DCT: variants seen among roughly 807,000 people sequenced by gnomAD.
DCT encodes the protein L-dopachrome tautomerase.
DCT carries 47 observed loss-of-function variants against 53.0 expected under a neutral mutation model. The ratio of observed to expected loss-of-function variants is 0.89; its 90% CI spans 0.70 to 1.13. DCT has a LOEUF of 1.13. Among genes scored for constraint, DCT ranks in the 50% most tolerant of loss-of-function variants. The pLI is 0.00. For missense variants in DCT, 669 were observed against 637.4 expected, an observed-to-expected ratio of 1.05 and a Z score of -0.53; for synonymous variants, 244 against 237.0, an observed-to-expected ratio of 1.03 and a Z score of -0.27.
chr13:94,492,739 A>G, the DCT span, among the ~76,000 whole-genome samples: 2 of 152,254 alleles, frequency 1.3e-5, no homozygotes, highest in African/African-American at 4.8e-5. Flanking sequence ...AGATGTACAG[A>G]AAAGAAAATG....
In DCT at chr13:94,465,630, T is replaced by G; in HGVS notation, c.863+3A>C. ...ATGCCATTGCAGGTACAGGAGCCAT[T>G]ACCTATCACAGACAGTTTCCCAGCT... On this transcript the variant is annotated splice_donor_region_variant and intron_variant, in intron 4 of 7. Transcript: ENST00000377028. 1 of 1,612,762 alleles carries G rather than the reference T, an allele frequency of 6.2e-7. No homozygotes were observed. The highest frequency in any genetic ancestry group is 8.5e-7 in the Non-Finnish European group (1 of 1,179,348).
At chr13:94,504,907 C>T in the DCT span, among the ~76,000 whole-genome samples, 448 of 152,048 alleles carry the variant, frequency 2.9e-3, 1 homozygote, top group African/African-American at 9.6e-3. Flanking sequence ...TAACTCCCTC[C>T]TACCTCTTCT....
At chr13:94,531,484 C>T in the DCT span, among the ~76,000 whole-genome samples, 1 of 152,104 alleles carries the variant, frequency 6.6e-6, no homozygotes, top group Non-Finnish European at 1.5e-5. Context: ...AGAAATAACA[C>T]CACACATCTA....
chr13:94,467,664 G>A (rs1362009541), intron 2 of DCT: 7 of 152,132 alleles, frequency 4.6e-5, no homozygotes, highest in Admixed American at 6.5e-5. Context: ...TTGGCTACAC[G>A]GCCCTTTTTC....
the DCT span, among the ~76,000 whole-genome samples, chr13:94,548,462 C>T: frequency 2.0e-5 from 3 of 152,056 alleles, 1 homozygote; most frequent in Admixed American, 2.0e-4. Flanking sequence ...CAGCAACCCG[C>T]CACCTCACTA....
the DCT span, among the ~76,000 whole-genome samples, chr13:94,543,531 T>C: frequency 6.6e-6 from 1 of 152,196 alleles, no homozygotes; most frequent in Non-Finnish European, 1.5e-5. Context: ...CTTTCTCTAA[T>C]AGAAATCTCT....
At chr13:94,444,020 G>T (rs1209566382) in intron 6 of DCT, among the ~76,000 whole-genome samples, 1 of 152,140 alleles carries the variant, frequency 6.6e-6, no homozygotes, top group South Asian at 2.1e-4. Context: ...TCAGAAAAAG[G>T]CAAGTATGAT....
At chr13:94,451,722 C>T (rs1883106803) in intron 6 of DCT, among the ~76,000 whole-genome samples, 1 of 152,162 alleles carries the variant, frequency 6.6e-6, no homozygotes, top group Non-Finnish European at 1.5e-5. Context: ...GTGTCAGGTA[C>T]TGTTCTAGAG....
the DCT span, among the ~76,000 whole-genome samples, chr13:94,549,059 G>A: frequency 2.6e-5 from 4 of 152,190 alleles, no homozygotes; most frequent in African/African-American, 4.8e-5. Flanking sequence ...CTGTAAAGCT[G>A]CCATCCTTCA....
chr13:94,468,524 G>T (rs146795225), intron 2 of DCT: 1 of 494,766 alleles, frequency 2.0e-6, no homozygotes. Flanking sequence ...AAGAACATAC[G>T]GTAGAGGAGA....
the DCT span, among the ~76,000 whole-genome samples, chr13:94,485,804 A>G: frequency 6.6e-6 from 1 of 152,166 alleles, no homozygotes; most frequent in Non-Finnish European, 1.5e-5. Context: ...CTAGGGAGTG[A>G]CTGATTTTCA....
chr13:94,526,810 G>A, the DCT span, among the ~76,000 whole-genome samples: 1 of 152,156 alleles, frequency 6.6e-6, no homozygotes, highest in African/African-American at 2.4e-5. Flanking sequence ...GCTGAAGCAG[G>A]GCAGGGTGTC....
rs142479772 is a variant in DCT at position 94,455,531 on chromosome 13, G to A, written c.1179+4560C>T. ...CCTACAACCTGTTTTTGTAAATAAC[G>A]TTTTATTGGAACACCACATTCATTT... On this transcript the variant is annotated intron_variant, in intron 6 of 7. Coordinates refer to ENST00000377028, the MANE Select transcript of DCT (RefSeq NM_001922.5). Among the ~76,000 whole-genome samples the A allele has an allele frequency of 1.3e-3, 195 of 152,198 alleles. 1 individual carries two copies. The highest frequency in any genetic ancestry group is 2.1e-3 in the Non-Finnish European group (143 of 67,988).
chr13:94,489,313 C>T, the DCT span, among the ~76,000 whole-genome samples: 3 of 152,000 alleles, frequency 2.0e-5, no homozygotes, highest in African/African-American at 7.3e-5. Context: ...GTCAAAATCC[C>T]AGCAAGTTAC....
At chr13:94,525,998 G>T in the DCT span, among the ~76,000 whole-genome samples, 1 of 152,220 alleles carries the variant, frequency 6.6e-6, no homozygotes, top group Admixed American at 6.5e-5. Context: ...CTACAAATGG[G>T]TCAGCACAAC....
chr13:94,472,497 G>C (rs1884707682), intron 1 of DCT, among the ~76,000 whole-genome samples: 1 of 121,764 alleles, frequency 8.2e-6, no homozygotes, highest in African/African-American at 3.2e-5. Context: ...CTGGTATACA[G>C]TGAGTTAAAT....
intron 6 of DCT, chr13:94,445,631 G>A (rs912229332): frequency 4.4e-5 from 39 of 878,892 alleles, no homozygotes; most frequent in Non-Finnish European, 6.5e-5. Flanking sequence ...GCCACTGAGT[G>A]TTTGGGTAAT....
chr13:94,454,532 C>T (rs532504105), intron 6 of DCT, among the ~76,000 whole-genome samples: 9 of 152,170 alleles, frequency 5.9e-5, no homozygotes, highest in African/African-American at 2.2e-4. Flanking sequence ...GTGCATTTGC[C>T]TCAATTACCT....
At chr13:94,464,948 T>C (rs550531310) in intron 4 of DCT, among the ~76,000 whole-genome samples, 1 of 152,196 alleles carries the variant, frequency 6.6e-6, no homozygotes, top group South Asian at 2.1e-4. Context: ...TTCCAGAGAA[T>C]TATCTAGCTT....
Sources: gnomAD v4.1 joint callset for allele counts (sites outside exome capture counted in the v4.1 genomes callset) on GRCh38, gnomAD v4.1.1 for gene constraint, MANE v1.5 for transcripts, NCBI Gene and HGNC (gene_info 2026-07-23, HGNC 2026-07-21) for gene names.